Variants in BRD3 observed in about 807,000 individuals in gnomAD.
BRD3 encodes bromodomain containing 3, also known as bromodomain-containing protein 3.
A neutral mutation model predicts 66.8 loss-of-function variants in BRD3; 17 were observed. That is an observed-to-expected ratio of 0.25 (90% CI 0.17 to 0.38). BRD3 has a LOEUF of 0.38. BRD3 is among the 10% of genes least tolerant of loss of function. The pLI is 1.00. For missense variants in BRD3, 713 were observed against 956.1 expected, an observed-to-expected ratio of 0.75 and a Z score of 3.35; for synonymous variants, 421 against 393.2, an observed-to-expected ratio of 1.07 and a Z score of -0.84.
At chr9:134,057,233 G>A (rs1038039026) in intron 1 of BRD3, 2 of 152,250 alleles carry the variant, frequency 1.3e-5, no homozygotes, top group African/African-American at 4.8e-5. Context: ...GAAAATCAGT[G>A]ATGGACTACG....
At position 134,033,547 on chromosome 9, in the gene BRD3, G is replaced by A. The variant is rs1169763673; in HGVS notation, c.*43C>T. 4.2e-6 allele frequency: 3 copies of A among 709,766 alleles called. No individual in the cohort carries two copies. The highest frequency in any genetic ancestry group is 2.0e-5 in the Admixed American group (1 of 50,244). The allele number at this position is 709,766 out of a possible 1,614,324, so 44.0% of individuals were successfully genotyped here. On this transcript the variant is annotated 3_prime_UTR_variant, in exon 12 of 12. Coordinates refer to ENST00000303407, the MANE Select transcript of BRD3 (RefSeq NM_007371.4). The surrounding 1 kb of genome is among the most constrained non-coding windows in gnomAD (Gnocchi z 5.1). Reference sequence around the variant, plus strand: ...CCACAGAGGGGTACGGCAGAGTCTCGGCGTGTGCGACATCCATCTGTCCTG... The same window carrying A: ...CCACAGAGGGGTACGGCAGAGTCTCAGCGTGTGCGACATCCATCTGTCCTG...
chr9:134,031,331 G>GC lies in BRD3; in HGVS notation c.*2258dup, dbSNP rs923308824. 12 of 207,878 alleles carry GC rather than the reference G, an allele frequency of 5.8e-5. No individual in the cohort carries two copies. The highest frequency in any genetic ancestry group is 1.1e-4 in the Non-Finnish European group (11 of 101,916). 12.9% of individuals were successfully genotyped at this position (207,878 alleles called of 1,614,324 possible). A position where few individuals can be genotyped will look rare whatever the true frequency, so the allele number is the denominator to read the frequency against. ...TGGCTGGAGGGGCATTGCAAGGAGC[G>GC]CCCCCCAGCCCCAGGCACCCCCGGC... On this transcript the variant is annotated 3_prime_UTR_variant, in exon 12 of 12. Transcript: ENST00000303407.
chr9:134,065,881 T>C (rs1036039912), intron 1 of BRD3, among the ~76,000 whole-genome samples: 5 of 152,050 alleles, frequency 3.3e-5, no homozygotes, highest in African/African-American at 1.2e-4. Flanking sequence ...TAGAGGAAGG[T>C]AGCACCGGCT....
chr9:134,059,220 C>G (rs754678232), intron 1 of BRD3, among the ~76,000 whole-genome samples: 5 of 152,238 alleles, frequency 3.3e-5, no homozygotes, highest in Non-Finnish European at 7.3e-5. Flanking sequence ...CCCGCGGAAG[C>G]TGCTCAGAGG....
At chr9:134,038,206 G>A (rs1301146544) in intron 9 of BRD3, among the ~76,000 whole-genome samples, 1 of 152,088 alleles carries the variant, frequency 6.6e-6, no homozygotes, top group Non-Finnish European at 1.5e-5. Flanking sequence ...CCAGGCTGGA[G>A]TGCAGTGGTG....
At chr9:134,043,503 C>T (rs1830105443) in intron 7 of BRD3, among the ~76,000 whole-genome samples, 1 of 152,212 alleles carries the variant, frequency 6.6e-6, no homozygotes, top group African/African-American at 2.4e-5. Flanking sequence ...TCTGGAGAAG[C>T]CCACCCCAGG....
At chr9:134,063,544 CAT>C (rs1830587086) in intron 1 of BRD3, among the ~76,000 whole-genome samples, 2 of 152,342 alleles carry the variant, frequency 1.3e-5, no homozygotes, top group South Asian at 4.1e-4. Flanking sequence ...CCTTCTGCCA[CAT>C]GACAGGTTAT....
intron 1 of BRD3, among the ~76,000 whole-genome samples, chr9:134,065,378 C>T (rs950502302): frequency 6.6e-6 from 1 of 150,848 alleles, no homozygotes; most frequent in East Asian, 2.0e-4. Flanking sequence ...GGGCTGAGAT[C>T]GTGCCACTGC....
intron 1 of BRD3, among the ~76,000 whole-genome samples, chr9:134,067,173 TC>T (rs2132466183): frequency 6.6e-6 from 1 of 152,138 alleles, no homozygotes; most frequent in East Asian, 1.9e-4. Context: ...CCCCCGTCCC[TC>T]CCGCTCCAAC....
Position 134,045,805 on chromosome 9 carries a change from C to T in BRD3, c.1087-384G>A, listed in dbSNP as rs1830154395. On this transcript the variant is annotated intron_variant, in intron 6 of 11. Transcript: ENST00000303407. The surrounding 1 kb of genome is among the most constrained non-coding windows in gnomAD (Gnocchi z 4.8). ...CCACGCCATCAGCAGCCCCAGGGGG[C>T]GTGAGGCTGCAGCAAAGTCAGACTC... Among the ~76,000 whole-genome samples, 1 of 152,184 alleles carries T rather than the reference C, an allele frequency of 6.6e-6. No homozygotes were observed. Among genetic ancestry groups the T allele is most frequent in the African/African-American group, 2.4e-5 (1 of 41,452 alleles).
At chr9:134,050,857 A>G (rs1251421872) in intron 4 of BRD3, among the ~76,000 whole-genome samples, 1 of 152,178 alleles carries the variant, frequency 6.6e-6, no homozygotes, top group Non-Finnish European at 1.5e-5. Context: ...AGGCAGTCCC[A>G]TGGCCTGGCA....
intron 1 of BRD3, among the ~76,000 whole-genome samples, chr9:134,055,087 G>A (rs1051294314): frequency 6.6e-6 from 1 of 152,166 alleles, no homozygotes; most frequent in Non-Finnish European, 1.5e-5. Flanking sequence ...CACAGCCCCA[G>A]GCTGCAACCC....
intron 9 of BRD3, 101 bp downstream of exon 9, chr9:134,039,933 G>A: frequency 6.8e-7 from 1 of 1,480,524 alleles, no homozygotes; most frequent in Non-Finnish European, 8.9e-7. Flanking sequence ...GTTTCCAGGT[G>A]GCCAAGGCAC....
rs148385807 is a variant in BRD3, at chr9:134,031,234, T to C, written c.*2356A>G. On this transcript the variant is annotated 3_prime_UTR_variant, in exon 12 of 12. Transcript: ENST00000303407. The stretch of plus-strand genomic sequence containing the variant: ...CAGCCGAGAAGGAAAGGCCCCACGA[T>C]GCTCCTGCTGCGCTGCCCCCACAGC... 2.1e-3 allele frequency: 441 copies of C among 214,272 alleles called. 1 individual carries two copies. The highest frequency in any genetic ancestry group is 9.3e-3 in the African/African-American group (413 of 44,218). 13.3% of individuals were successfully genotyped at this position (214,272 alleles called of 1,614,324 possible). A position where few individuals can be genotyped will look rare whatever the true frequency, so the allele number is the denominator to read the frequency against.
At chr9:134,034,309 G>A (rs1185193107) in intron 11 of BRD3, among the ~76,000 whole-genome samples, 2 of 152,210 alleles carry the variant, frequency 1.3e-5, no homozygotes, top group Non-Finnish European at 2.9e-5. Flanking sequence ...ATGGGGCTGG[G>A]CCTCCCGCCT....
rs1830156429 is a variant in BRD3, at chr9:134,045,933, T to C, written c.1087-512A>G. ...CAGCTTGCGTCTTACAGAAGCACCC[T>C]GGTATCCCAGGGGCCTAGCTGGACC... On this transcript the variant is annotated intron_variant, in intron 6 of 11. Transcript: ENST00000303407. The surrounding 1 kb of genome is among the most constrained non-coding windows in gnomAD (Gnocchi z 4.8). 6.6e-6 allele frequency among the ~76,000 whole-genome samples: 1 copy of C among 152,216 alleles called. No individual in the cohort carries two copies. The highest frequency in any genetic ancestry group is 6.5e-5 in the Admixed American group (1 of 15,290).
In BRD3 at chr9:134,045,492, G is replaced by C. The variant is rs561413132; in HGVS notation, c.1087-71C>G. 1.5e-4 allele frequency: 238 copies of C among 1,597,086 alleles called. No homozygotes were observed. Among genetic ancestry groups the C allele is most frequent in the Non-Finnish European group, 1.8e-4 (216 of 1,168,996 alleles). ...CAGGACTCTCTGCCACACCCCACGA[G>C]ATGAACTCTGGAGCCTCAGGAGCCA... On this transcript the variant is annotated intron_variant, in intron 6 of 11. Transcript: ENST00000303407. This position sits in a 1 kb window ranked among gnomAD's most constrained non-coding sequence, Gnocchi z 4.8.
chr9:134,057,240 T>TA (rs1201880474), intron 1 of BRD3: 3 of 152,228 alleles, frequency 2.0e-5, no homozygotes, highest in Non-Finnish European at 4.4e-5. Context: ...AGTGATGGAC[T>TA]ACGGTCCAAA....
At chr9:134,050,118 G>A (rs1830257890) in intron 5 of BRD3, among the ~76,000 whole-genome samples, 1 of 152,202 alleles carries the variant, frequency 6.6e-6, no homozygotes, top group Non-Finnish European at 1.5e-5. Context: ...TTTGGCCAGG[G>A]CTTCTGGCCA....
Sources: gnomAD v4.1 joint callset for allele counts (sites outside exome capture counted in the v4.1 genomes callset) on GRCh38, gnomAD v4.1.1 for gene constraint, Gnocchi (gnomAD v3.1) non-coding constraint, MANE v1.5 for transcripts, NCBI Gene and HGNC (gene_info 2026-07-23, HGNC 2026-07-21) for gene names.